The following ST18 variants were observed in gnomAD, a reference collection of about 807,000 sequenced individuals.
The protein encoded by ST18 is ST18 C2H2C-type zinc finger transcription factor.
Under a neutral mutation model 110.0 loss-of-function variants are expected in ST18, and 50 were observed. That is an observed-to-expected ratio of 0.45 (90% CI 0.36 to 0.58). ST18 has a LOEUF of 0.58. Among genes scored for constraint, ST18 ranks in the 20% least tolerant of loss-of-function variants. The pLI, the probability that ST18 is intolerant of heterozygous loss-of-function variation, is 0.00. For missense variants in ST18, 1,306 were observed against 1,280.1 expected, an observed-to-expected ratio of 1.02 and a Z score of -0.31; for synonymous variants, 461 against 452.4, an observed-to-expected ratio of 1.02 and a Z score of -0.24.
At chr8:52,115,285 G>A (rs1411182966) in intron 25 of ST18, among the ~76,000 whole-genome samples, 1 of 152,044 alleles carries the variant, frequency 6.6e-6, no homozygotes, top group East Asian at 1.9e-4. Context: ...TAAAAATTTA[G>A]GTTCTGAGGA....
At chr8:52,164,398 T>C (rs1366878332) in intron 12 of ST18, among the ~76,000 whole-genome samples, 1 of 152,244 alleles carries the variant, frequency 6.6e-6, no homozygotes, top group African/African-American at 2.4e-5. Flanking sequence ...CTCATTCCAA[T>C]TGCAATGTAT....
chr8:52,315,327 C>T (rs1267776748), intron 2 of ST18, among the ~76,000 whole-genome samples: 1 of 152,126 alleles, frequency 6.6e-6, no homozygotes, highest in South Asian at 2.1e-4. Flanking sequence ...TTTAATTAAG[C>T]GTATACAACA....
intron 2 of ST18, among the ~76,000 whole-genome samples, chr8:52,257,337 T>C (rs933094292): frequency 2.6e-5 from 4 of 152,180 alleles, no homozygotes; most frequent in Non-Finnish European, 5.9e-5. Flanking sequence ...ATCCCTATAT[T>C]TAATTGTTTG....
At chr8:52,328,937 A>T (rs987492005) in intron 2 of ST18, among the ~76,000 whole-genome samples, 5 of 152,082 alleles carry the variant, frequency 3.3e-5, no homozygotes, top group Admixed American at 6.5e-5. Flanking sequence ...TTCACATTAA[A>T]ACTTGGTAAT....
chr8:52,307,548 G>T (rs1249638364), intron 2 of ST18, among the ~76,000 whole-genome samples: 1 of 152,026 alleles, frequency 6.6e-6, no homozygotes, highest in Non-Finnish European at 1.5e-5. Flanking sequence ...AACTTTAAAT[G>T]ACTATACTTT....
chr8:52,159,182 A>T, intron 14 of ST18, 73 bp from the exon 15 acceptor site: 1 of 1,378,866 alleles, frequency 7.3e-7, no homozygotes, highest in Non-Finnish European at 9.9e-7. Flanking sequence ...TTTTTTTTAA[A>T]AATGTAACTT....
At chr8:52,378,834 T>C (rs1017738930) in intron 2 of ST18, among the ~76,000 whole-genome samples, 1 of 152,202 alleles carries the variant, frequency 6.6e-6, no homozygotes, top group Non-Finnish European at 1.5e-5. Flanking sequence ...AAATATTGAA[T>C]GTGCTAGAAT....
At chr8:52,347,987 A>AT (rs1379143791) in intron 2 of ST18, among the ~76,000 whole-genome samples, 1 of 152,038 alleles carries the variant, frequency 6.6e-6, no homozygotes, top group Non-Finnish European at 1.5e-5. Flanking sequence ...GTGTACCACC[A>AT]TTTTTTTCAT....
At chr8:52,162,810 A>G (rs554222099) in intron 13 of ST18, among the ~76,000 whole-genome samples, 10 of 152,310 alleles carry the variant, frequency 6.6e-5, no homozygotes, top group Admixed American at 6.5e-4. Flanking sequence ...AACAATATTA[A>G]AAAATATATT....
In ST18 at chr8:52,332,894, T is replaced by C. The variant is rs185553969; in HGVS notation, c.-465+76434A>G. ...ATATATATATATGACCAATGGGTCC[T>C]GCCTATGCACAAGGCACATAGAACT... On this transcript the variant is annotated intron_variant, in intron 2 of 25. Coordinates refer to ENST00000689386, the MANE Select transcript of ST18 (RefSeq NM_001352837.2). Among the ~76,000 whole-genome samples the C allele has an allele frequency of 2.6e-5, 4 of 152,248 alleles. No individual in the cohort carries two copies. The South Asian group carries it at 6.2e-4, about 24-fold the overall frequency.
chr8:52,377,699 T>C (rs1832938647), intron 2 of ST18, among the ~76,000 whole-genome samples: 1 of 152,186 alleles, frequency 6.6e-6, no homozygotes, highest in South Asian at 2.1e-4. Context: ...GTGGAGGTTC[T>C]TCAAATACTG....
At chr8:52,316,514 C>T (rs1469940162) in intron 2 of ST18, among the ~76,000 whole-genome samples, 1 of 152,190 alleles carries the variant, frequency 6.6e-6, no homozygotes, top group Non-Finnish European at 1.5e-5. Context: ...GACAACTCCA[C>T]ATTCAAGTTT....
At chr8:52,204,396 C>T (rs1366215484) in intron 8 of ST18, among the ~76,000 whole-genome samples, 2 of 152,120 alleles carry the variant, frequency 1.3e-5, no homozygotes, top group East Asian at 3.9e-4. Context: ...CCGTTAATTT[C>T]TTATAAATCT....
At chr8:52,271,473 CT>C (rs748536211) in intron 2 of ST18, among the ~76,000 whole-genome samples, 37 of 152,310 alleles carry the variant, frequency 2.4e-4, no homozygotes, top group Admixed American at 6.5e-4. Flanking sequence ...CACTTTGTAT[CT>C]CTTCCCCAAT....
chr8:52,262,959 A>G lies in ST18; in HGVS notation c.-464-32882T>C, dbSNP rs184466070. ...GGGCCAAAACTTTTTCCACTGCTCA[A>G]CTCAGCCTGTTACAAAGGTTGCTGT... On this transcript the variant is annotated intron_variant, in intron 2 of 25. Transcript: ENST00000689386. Among the ~76,000 whole-genome samples, 3 of 152,274 alleles carry G rather than the reference A, an allele frequency of 2.0e-5. No individual in the cohort carries two copies. The East Asian group carries it at 5.8e-4, about 29-fold the overall frequency.
At chr8:52,210,359 T>C (rs72641894) in intron 8 of ST18, among the ~76,000 whole-genome samples, 5,297 of 152,258 alleles carry the variant, frequency 0.035, 170 homozygotes, top group East Asian at 0.1. Context: ...ATCAAAATAC[T>C]TTCAAAATTA....
intron 2 of ST18, among the ~76,000 whole-genome samples, chr8:52,366,848 A>G (rs936927665): frequency 1.6e-4 from 24 of 152,230 alleles, no homozygotes; most frequent in African/African-American, 4.6e-4. Flanking sequence ...CATTCATTAT[A>G]CTATGTTCCC....
Position 52,304,395 on chromosome 8 carries a change from G to A in ST18, c.-464-74318C>T, listed in dbSNP as rs563779495. On this transcript the variant is annotated intron_variant, in intron 2 of 25. Transcript: ENST00000689386. Reference sequence around the variant, plus strand: ...ACTGATAAGGTTAAAAGTAAAGAGAGAAACAATATCAGAGAATTAAAGTGT... The same window carrying A: ...ACTGATAAGGTTAAAAGTAAAGAGAAAAACAATATCAGAGAATTAAAGTGT... 2.6e-5 allele frequency among the ~76,000 whole-genome samples: 4 copies of A among 152,192 alleles called. 1 individual carries two copies. The South Asian group carries it at 8.3e-4, about 32-fold the overall frequency.
At chr8:52,292,074 C>A (rs1374824453) in intron 2 of ST18, among the ~76,000 whole-genome samples, 1 of 152,202 alleles carries the variant, frequency 6.6e-6, no homozygotes, top group Non-Finnish European at 1.5e-5. Context: ...CCATAAACAA[C>A]TTTTATTTAC....
Sources: allele counts gnomAD v4.1 joint callset (sites outside exome capture counted in the v4.1 genomes callset), GRCh38; gene constraint gnomAD v4.1.1; transcripts MANE v1.5; gene names NCBI Gene and HGNC (gene_info 2026-07-23, HGNC 2026-07-21).